GRIN2A: variants seen among roughly 807,000 people sequenced by gnomAD.
GRIN2A encodes the protein glutamate receptor ionotropic, NMDA 2A.
A neutral mutation model predicts 113.4 loss-of-function variants in GRIN2A; 22 were observed. The ratio of observed to expected loss-of-function variants is 0.19; its 90% CI spans 0.14 to 0.28. The LOEUF is 0.28. Among genes scored for constraint, GRIN2A ranks in the 10% least tolerant of loss-of-function variants. The pLI is 1.00. For synonymous variants in GRIN2A, 827 were observed against 738.4 expected (o/e 1.12, Z -1.94); for missense variants, 1,502 against 1,887.0 (o/e 0.80, Z 3.78).
At chr16:9,981,120 T>C (rs915452620) in intron 2 of GRIN2A, among the ~76,000 whole-genome samples, 8 of 151,746 alleles carry the variant, frequency 5.3e-5, no homozygotes, top group Non-Finnish European at 1.2e-4. Flanking sequence ...CTAAAGGTGC[T>C]AAAGAACTAC....
At chr16:10,025,014 A>G (rs2046793732) in intron 2 of GRIN2A, among the ~76,000 whole-genome samples, 1 of 152,144 alleles carries the variant, frequency 6.6e-6, no homozygotes, top group Non-Finnish European at 1.5e-5. Flanking sequence ...AGAGGAGAGA[A>G]AAGAAGAGGG....
chr16:9,985,351 T>A (rs1213319), intron 2 of GRIN2A, among the ~76,000 whole-genome samples: 23,223 of 152,188 alleles, frequency 0.15, 2,096 homozygotes, highest in East Asian at 0.36. Context: ...TGTTTATTAG[T>A]CAGTGAATTA....
chr16:10,125,165 G>A (rs1452250052), intron 2 of GRIN2A, among the ~76,000 whole-genome samples: 2 of 152,186 alleles, frequency 1.3e-5, no homozygotes, highest in Non-Finnish European at 2.9e-5. Context: ...ATTTCACACT[G>A]CAGCAATCAA....
chr16:9,836,882 A>T (rs2042591897), intron 7 of GRIN2A, among the ~76,000 whole-genome samples: 2 of 152,232 alleles, frequency 1.3e-5, no homozygotes, highest in Admixed American at 6.5e-5. Context: ...CCAGGTCAGC[A>T]TTTCTTTGGA....
chr16:9,964,314 C>T (rs181644265), intron 2 of GRIN2A, among the ~76,000 whole-genome samples: 1 of 152,192 alleles, frequency 6.6e-6, no homozygotes, highest in Admixed American at 6.5e-5. Flanking sequence ...AATATGGGAC[C>T]TTGCACAATT....
chr16:10,071,423 G>C (rs540114601), intron 2 of GRIN2A, among the ~76,000 whole-genome samples: 2 of 152,152 alleles, frequency 1.3e-5, no homozygotes, highest in Non-Finnish European at 2.9e-5. Context: ...TACGGGACGA[G>C]CCATGAATCT....
In GRIN2A at chr16:9,762,753, A is replaced by T. The variant is rs1280395523; in HGVS notation, c.*396T>A. ...TTGCTTATTCTGTATTAGAGAAACCATTAGGCATTTCTGATGAGAAAATTA... is the reference window on the plus strand; with the variant it reads ...TTGCTTATTCTGTATTAGAGAAACCTTTAGGCATTTCTGATGAGAAAATTA... On this transcript the variant is annotated 3_prime_UTR_variant, in exon 13 of 13. Transcript: ENST00000330684. The T allele has an allele frequency of 2.6e-6, 1 of 388,308 alleles. No homozygotes were observed. The highest frequency in any genetic ancestry group is 4.7e-6 in the Non-Finnish European group (1 of 211,610). 24.1% of individuals were successfully genotyped at this position (388,308 alleles called of 1,614,324 possible). A position where few individuals can be genotyped will look rare whatever the true frequency, so the allele number is the denominator to read the frequency against.
intron 2 of GRIN2A, among the ~76,000 whole-genome samples, chr16:10,176,169 C>T (rs921821027): frequency 1.3e-5 from 2 of 151,958 alleles, no homozygotes; most frequent in African/African-American, 4.8e-5. Context: ...CCACATCCAG[C>T]TGATTTTTGT....
intron 3 of GRIN2A, among the ~76,000 whole-genome samples, chr16:9,891,916 T>C (rs16966613): frequency 0.027 from 4,063 of 152,130 alleles, 186 homozygotes; most frequent in African/African-American, 0.093. Context: ...TTAGAGACCA[T>C]GTTAAATGTC....
intron 2 of GRIN2A, among the ~76,000 whole-genome samples, chr16:10,039,813 A>AAG (rs142696536): frequency 0.19 from 13,685 of 73,422 alleles, 1,895 homozygotes; most frequent in East Asian, 0.34. Flanking sequence ...GGGGGGGAGA[A>AAG]AGAGAGAGAG....
At chr16:9,842,993 AAGAG>A (rs1215447553) in intron 5 of GRIN2A, among the ~76,000 whole-genome samples, 5 of 150,882 alleles carry the variant, frequency 3.3e-5, no homozygotes, top group South Asian at 2.1e-4. Context: ...GAAAGAAAGA[AAGAG>A]AGAAACAGAA....
At chr16:10,115,276 G>T (rs372697688) in intron 2 of GRIN2A, among the ~76,000 whole-genome samples, 1 of 151,902 alleles carries the variant, frequency 6.6e-6, no homozygotes, top group Non-Finnish European at 1.5e-5. Context: ...GTTTCAAAAT[G>T]CTGGAGAACT....
intron 2 of GRIN2A, among the ~76,000 whole-genome samples, chr16:10,092,048 T>A (rs1453962040): frequency 2.0e-5 from 3 of 152,216 alleles, no homozygotes; most frequent in Non-Finnish European, 4.4e-5. Context: ...ATTAAAATAA[T>A]TAATCCTCTA....
chr16:10,084,981 T>C lies in GRIN2A; in HGVS notation c.414+95017A>G, dbSNP rs547239137. Among the ~76,000 whole-genome samples the C allele has an allele frequency of 2.3e-4, 35 of 152,278 alleles. No homozygotes were observed. In the East Asian group the frequency reaches 6.6e-3, roughly 29 times the overall value. On this transcript the variant is annotated intron_variant, in intron 2 of 12. Coordinates refer to ENST00000330684, the MANE Select transcript of GRIN2A (RefSeq NM_001134407.3). Reference sequence around the variant, plus strand: ...ACAATTTCCTATGCACCAGGAACCATTCCAAGGGCCTTATGTATATTAACT... The same window carrying C: ...ACAATTTCCTATGCACCAGGAACCACTCCAAGGGCCTTATGTATATTAACT...
At chr16:10,125,938 A>G (rs2048925393) in intron 2 of GRIN2A, among the ~76,000 whole-genome samples, 1 of 152,046 alleles carries the variant, frequency 6.6e-6, no homozygotes, top group Admixed American at 6.6e-5. Flanking sequence ...ACCTGCAGGA[A>G]AACTGGGGGC....
rs756147459 is a variant in GRIN2A, at chr16:9,849,938, C to T, written c.1146G>A (p.Thr382=). 26 of 1,613,820 alleles carry T rather than the reference C, an allele frequency of 1.6e-5. No individual in the cohort carries two copies. Among genetic ancestry groups the T allele is most frequent in the Non-Finnish European group, 2.0e-5 (24 of 1,179,898 alleles). Residue 382 remains threonine, a synonymous_variant, in exon 5 of 13, where the codon ACG becomes ACA. Coordinates refer to ENST00000330684, the MANE Select transcript of GRIN2A (RefSeq NM_001134407.3). Reference sequence around the variant, plus strand: ...GCCACACGGCGTGCCTCAGGCTCAGCGTATGGTTCTCCCACTTGCCCACCT... The same window carrying T: ...GCCACACGGCGTGCCTCAGGCTCAGTGTATGGTTCTCCCACTTGCCCACCT... ...WEKVGKWENH[T]LSLRHAVWPR...
In GRIN2A at chr16:9,839,059, T is replaced by A. The variant is rs534435265; in HGVS notation, c.1651+1588A>T. Among the ~76,000 whole-genome samples the A allele has an allele frequency of 2.7e-4, 41 of 152,316 alleles. 1 individual carries two copies. In the East Asian group the frequency reaches 5.8e-3, roughly 21 times the overall value. ...GTACCCCTGAGCTATTGAAATTTTT[T>A]AAAAATTATACATATTTTTCCCCTC... is the stretch of plus-strand genomic sequence containing the variant. On this transcript the variant is annotated intron_variant, in intron 7 of 12. Transcript: ENST00000330684.
At chr16:10,046,834 G>A (rs60771888) in intron 2 of GRIN2A, among the ~76,000 whole-genome samples, 3,649 of 152,248 alleles carry the variant, frequency 0.024, 162 homozygotes, top group African/African-American at 0.083. Flanking sequence ...AGGGTGGCAC[G>A]TCTACATATT....
chr16:9,870,171 C>T (rs2043232087), intron 4 of GRIN2A, among the ~76,000 whole-genome samples: 1 of 152,174 alleles, frequency 6.6e-6, no homozygotes. Flanking sequence ...TATTTTCACT[C>T]TACCAATAAA....
Sources: allele counts gnomAD v4.1 joint callset (sites outside exome capture counted in the v4.1 genomes callset), GRCh38; gene constraint gnomAD v4.1.1; transcripts MANE v1.5; gene names NCBI Gene and HGNC (gene_info 2026-07-23, HGNC 2026-07-21).